Variants in NPHP1 observed in about 807,000 individuals in gnomAD.
NPHP1 encodes nephrocystin-1.
NPHP1 carries 70 observed loss-of-function variants against 90.4 expected under a neutral mutation model. The ratio of observed to expected loss-of-function variants is 0.77; its 90% CI spans 0.64 to 0.95. The LOEUF (loss-of-function observed/expected upper bound fraction) is 0.95, where lower values mean the gene tolerates loss of function less well. Among genes scored for constraint, NPHP1 ranks in the 40% least tolerant of loss-of-function variants. The pLI is 0.00. For missense variants in NPHP1, 764 were observed against 795.9 expected (o/e 0.96, Z 0.48); for synonymous variants, 256 against 271.7 (o/e 0.94, Z 0.57).
At chr2:110,188,747 A>G (rs1684465412) in intron 2 of NPHP1, among the ~76,000 whole-genome samples, 1 of 152,180 alleles carries the variant, frequency 6.6e-6, no homozygotes, top group Non-Finnish European at 1.5e-5. Context: ...TTCAAACTAT[A>G]TTACAAGGCT....
chr2:110,192,611 A>G (rs1340997888), intron 2 of NPHP1, among the ~76,000 whole-genome samples: 1 of 152,196 alleles, frequency 6.6e-6, no homozygotes. Flanking sequence ...GAACTTCCCC[A>G]ATCTAGCAAG....
chr2:110,147,956 A>G lies in NPHP1; in HGVS notation c.1229T>C (p.Leu410Pro), dbSNP rs765450176. 2 of 1,609,642 alleles carry G rather than the reference A, an allele frequency of 1.2e-6. No homozygotes were observed. Among genetic ancestry groups the G allele is most frequent in the East Asian group, 4.5e-5 (2 of 44,840 alleles). ...AATTCCAAGTTCAAATAATATTCCA[A>G]GATCTGGAGATGCAGAATTAGACCT... ...FIRSNSASPD[L>P]GILFELGISY... The change falls in exon 13 of 20, where the codon CTT becomes CCT. Residue 410 changes from leucine (L) to proline (P), a missense_variant. Physicochemically the swap from Leu to Pro is moderately conservative, Grantham distance 98. Coordinates refer to ENST00000445609, the MANE Select transcript of NPHP1 (RefSeq NM_001128178.3).
chr2:110,184,186 A>C (rs750873503), intron 2 of NPHP1: 64 of 564,156 alleles, frequency 1.1e-4, no homozygotes, highest in Admixed American at 1.5e-4. Context: ...CTACCCATGC[A>C]TATTCGTATC....
chr2:110,188,743 C>T (rs945870445), intron 2 of NPHP1, among the ~76,000 whole-genome samples: 1 of 152,112 alleles, frequency 6.6e-6, no homozygotes. Flanking sequence ...TAACTTCAAA[C>T]TATATTACAA....
chr2:110,179,880 C>T (rs1272115477), intron 2 of NPHP1, among the ~76,000 whole-genome samples, 196 bp from the exon 3 acceptor site: 1 of 152,062 alleles, frequency 6.6e-6, no homozygotes, highest in Non-Finnish European at 1.5e-5. Flanking sequence ...AACACATAGA[C>T]ATGATAACCA....
At chr2:110,161,159 C>G (rs766865133) in intron 10 of NPHP1, among the ~76,000 whole-genome samples, 36 of 152,084 alleles carry the variant, frequency 2.4e-4, no homozygotes, top group Non-Finnish European at 4.3e-4. Flanking sequence ...GAGGGAGACC[C>G]TGTCTCAAAA....
intron 4 of NPHP1, among the ~76,000 whole-genome samples, chr2:110,175,465 T>C (rs1265312851): frequency 1.3e-5 from 2 of 152,130 alleles, no homozygotes; most frequent in Admixed American, 6.5e-5. Context: ...TTTTTATACT[T>C]TTGCTGGATA....
In NPHP1 at chr2:110,124,003, G is replaced by C; in HGVS notation, c.1822C>G (p.Leu608Val). 1 of 1,614,106 alleles carries C rather than the reference G, an allele frequency of 6.2e-7. No homozygotes were observed. The highest frequency in any genetic ancestry group is 8.5e-7 in the Non-Finnish European group (1 of 1,179,946). The change falls in exon 20 of 20, where the codon CTT becomes GTT. Residue 608 changes from leucine to valine, a missense_variant. By Grantham distance (32) the Leu-to-Val change is conservative. Coordinates refer to ENST00000445609, the MANE Select transcript of NPHP1 (RefSeq NM_001128178.3). ...LLVYHDCVLP[L>V]LHSTRLPPFR... The stretch of plus-strand genomic sequence containing the variant: ...GGGGGTAGGCGTGTGGAGTGGAGAA[G>C]TGGGAGCACGCAGTCATGGTAAACC...
chr2:110,198,443 T>C lies in NPHP1; in HGVS notation c.143+2978A>G, dbSNP rs571959202. 6.7e-4 allele frequency among the ~76,000 whole-genome samples: 102 copies of C among 152,306 alleles called. 1 individual carries two copies. The highest frequency in any genetic ancestry group is 1.0e-3 in the Non-Finnish European group (70 of 68,022). Reference sequence around the variant, plus strand: ...ATGTTAAAGCAATCTAAGGTCTTTATATTAGTCAAGGGAAGATTAATGATA... The same window carrying C: ...ATGTTAAAGCAATCTAAGGTCTTTACATTAGTCAAGGGAAGATTAATGATA... On this transcript the variant is annotated intron_variant, in intron 2 of 19. Coordinates refer to ENST00000445609, the MANE Select transcript of NPHP1 (RefSeq NM_001128178.3).
At chr2:110,133,233 C>T (rs1334739120) in intron 16 of NPHP1, among the ~76,000 whole-genome samples, 1 of 151,966 alleles carries the variant, frequency 6.6e-6, no homozygotes, top group Admixed American at 6.6e-5. Context: ...ATGCAAATAG[C>T]AACTAAAAGA....
At position 110,123,998 on chromosome 2, in the gene NPHP1, G is replaced by C. The variant is rs570047408; in HGVS notation, c.1827C>G (p.Leu609=). 6.2e-7 allele frequency: 1 copy of C among 1,614,054 alleles called. No homozygotes were observed. The highest frequency in any genetic ancestry group is 8.5e-7 in the Non-Finnish European group (1 of 1,179,924). ...LVYHDCVLPL[L]HSTRLPPFRW... ...TGAATGGGGGTAGGCGTGTGGAGTG[G>C]AGAAGTGGGAGCACGCAGTCATGGT... The change falls in exon 20 of 20, where the codon CTC becomes CTG. Residue 609 remains leucine, a synonymous_variant. Transcript: ENST00000445609.
chr2:110,138,010 T>A (rs1405014733), intron 16 of NPHP1, among the ~76,000 whole-genome samples: 2 of 151,268 alleles, frequency 1.3e-5, no homozygotes, highest in Admixed American at 6.6e-5. Flanking sequence ...AAATGATGAG[T>A]TCATGTCCTT....
intron 19 of NPHP1, 109 bp from the exon 20 acceptor site, chr2:110,124,172 G>A: frequency 8.0e-7 from 1 of 1,256,290 alleles, no homozygotes; most frequent in South Asian, 1.2e-5. Flanking sequence ...GGTGCCATTA[G>A]TGCCTGGCAG....
At position 110,178,458 on chromosome 2, in the gene NPHP1, G is replaced by A. The variant is rs747950591; in HGVS notation, c.294C>T (p.Gly98=). 53 of 1,613,726 alleles carry A rather than the reference G, an allele frequency of 3.3e-5. 2 individuals carry two copies. In the South Asian group the frequency reaches 5.7e-4, roughly 17 times the overall value. ...TTTCTCTGCTTATTGTCACAGCAAG[G>A]CCCTGCAGTTGTTGGGTAAGCTTGT... ...LLDKLTQQLQ[G]LAVTISRENI... Residue 98 remains glycine, a synonymous_variant, in exon 4 of 20, where the codon GGC becomes GGT. Coordinates refer to ENST00000445609, the MANE Select transcript of NPHP1 (RefSeq NM_001128178.3).
At chr2:110,163,255 G>A (rs962615178) in intron 8 of NPHP1, 120 bp from the exon 9 acceptor site, 2 of 755,624 alleles carry the variant, frequency 2.6e-6, no homozygotes, top group African/African-American at 3.5e-5. Context: ...AGACTTTAGT[G>A]GAAGAATAAT....
At chr2:110,135,476 C>CAAAAA (rs66696927) in intron 16 of NPHP1, among the ~76,000 whole-genome samples, 1 of 15,114 alleles carries the variant, frequency 6.6e-5, no homozygotes. Context: ...GACCCCGTCT[C>CAAAAA]AAAAAAAAAA....
chr2:110,188,776 T>C (rs925685056), intron 2 of NPHP1, among the ~76,000 whole-genome samples: 1 of 152,142 alleles, frequency 6.6e-6, no homozygotes, highest in Non-Finnish European at 1.5e-5. Context: ...TAAAACAGCA[T>C]GGTACTGGTA....
intron 11 of NPHP1, among the ~76,000 whole-genome samples, chr2:110,159,050 A>C (rs965149684): frequency 1.3e-5 from 2 of 151,964 alleles, no homozygotes; most frequent in African/African-American, 4.8e-5. Context: ...GATTTTTCTT[A>C]TGGCAAATTA....
rs543102226 is a variant in NPHP1, at chr2:110,203,261, G to A, written c.69+1639C>T. On this transcript the variant is annotated intron_variant, in intron 1 of 19. Coordinates refer to ENST00000445609, the MANE Select transcript of NPHP1 (RefSeq NM_001128178.3). ...GGACACTGGTGACTGCTGGAGTGGG[G>A]TGGGGGAGGGAAGAGGAATGAAGAC... Among the ~76,000 whole-genome samples, 13 of 152,022 alleles carry A rather than the reference G, an allele frequency of 8.6e-5. 1 individual carries two copies. The East Asian group carries it at 2.5e-3, about 29-fold the overall frequency.
Sources: allele counts gnomAD v4.1 joint callset (sites outside exome capture counted in the v4.1 genomes callset), GRCh38; gene constraint gnomAD v4.1.1; transcripts MANE v1.5; gene names NCBI Gene and HGNC (gene_info 2026-07-23, HGNC 2026-07-21).